The following MIB1 variants were observed in gnomAD, a reference collection of about 807,000 sequenced individuals.
MIB1 encodes E3 ubiquitin-protein ligase MIB1.
In MIB1, 278 loss-of-function variants were observed where a neutral mutation model predicts 124.5. That is an observed-to-expected ratio of 2.23 (90% CI 2.02 to 2.47). The LOEUF is 2.47. MIB1 is among the 30% of genes most tolerant of loss of function. The probability of loss-of-function intolerance (pLI) is 0.00; values close to 1 mark genes in which losing one functional copy is unlikely to be tolerated. For synonymous variants in MIB1, 446 were observed against 429.4 expected (o/e 1.04, Z -0.48); for missense variants, 957 against 1,254.4 (o/e 0.76, Z 3.58).
chr18:21,748,586 T>G (rs968200371), intron 1 of MIB1, among the ~76,000 whole-genome samples: 2 of 151,234 alleles, frequency 1.3e-5, no homozygotes, highest in African/African-American at 2.4e-5. Context: ...CGCACCACCA[T>G]GCACAGCTAA....
intron 13 of MIB1, among the ~76,000 whole-genome samples, chr18:21,839,597 C>G (rs1299130502): frequency 6.6e-6 from 1 of 152,168 alleles, no homozygotes; most frequent in Non-Finnish European, 1.5e-5. Flanking sequence ...CTTGACCTCC[C>G]AGGCTCAAGC....
intron 1 of MIB1, among the ~76,000 whole-genome samples, chr18:21,764,285 T>C (rs1213796903): frequency 6.6e-6 from 1 of 152,002 alleles, no homozygotes. Context: ...TCTTCCTTCC[T>C]GATCCTTGCC....
At chr18:21,796,354 G>A (rs752045779) in intron 7 of MIB1, among the ~76,000 whole-genome samples, 1 of 151,888 alleles carries the variant, frequency 6.6e-6, no homozygotes, top group Non-Finnish European at 1.5e-5. Context: ...GAGAACATGT[G>A]GACACAGGGA....
At chr18:21,746,721 G>A (rs965715466) in intron 1 of MIB1, among the ~76,000 whole-genome samples, 5 of 152,100 alleles carry the variant, frequency 3.3e-5, no homozygotes, top group Admixed American at 2.0e-4. Flanking sequence ...GTCATTCTTC[G>A]TGTCGATAAT....
intron 1 of MIB1, among the ~76,000 whole-genome samples, chr18:21,755,823 G>A (rs905982180): frequency 2.0e-5 from 3 of 152,036 alleles, no homozygotes; most frequent in Admixed American, 2.0e-4. Context: ...GTTAGAATTC[G>A]TTTATATTCT....
intron 1 of MIB1, among the ~76,000 whole-genome samples, chr18:21,709,044 C>T (rs534945708): frequency 1.3e-4 from 20 of 152,084 alleles, no homozygotes; most frequent in East Asian, 7.7e-4. Flanking sequence ...AGGCCGGGCG[C>T]GGTGGCTCAC....
chr18:21,851,897 T>TA (rs1376244477), intron 17 of MIB1, among the ~76,000 whole-genome samples: 1 of 152,104 alleles, frequency 6.6e-6, no homozygotes, highest in Non-Finnish European at 1.5e-5. Flanking sequence ...TAGGTACAGA[T>TA]ATGGTTTTTA....
intron 9 of MIB1, among the ~76,000 whole-genome samples, chr18:21,800,652 C>T (rs2041640759): frequency 6.6e-6 from 1 of 152,082 alleles, no homozygotes; most frequent in Admixed American, 6.6e-5. Flanking sequence ...TTGAATCATT[C>T]TCACTGTGTT....
At chr18:21,830,967 T>G (rs1393787449) in intron 12 of MIB1, among the ~76,000 whole-genome samples, 1 of 152,026 alleles carries the variant, frequency 6.6e-6, no homozygotes, top group Non-Finnish European at 1.5e-5. Context: ...TATAACAGTC[T>G]TGCACAGTTA....
At chr18:21,783,936 T>G (rs1296901152) in intron 6 of MIB1, among the ~76,000 whole-genome samples, 1 of 151,920 alleles carries the variant, frequency 6.6e-6, no homozygotes, top group Non-Finnish European at 1.5e-5. Context: ...AGAGATGGGG[T>G]CTTACGATGT....
intron 17 of MIB1, among the ~76,000 whole-genome samples, chr18:21,852,018 T>C (rs2042184645): frequency 6.6e-6 from 1 of 152,204 alleles, no homozygotes; most frequent in Non-Finnish European, 1.5e-5. Context: ...GAGAAGATAA[T>C]TATTATGTAT....
At chr18:21,833,842 C>T (rs957026447) in intron 12 of MIB1, among the ~76,000 whole-genome samples, 1 of 152,182 alleles carries the variant, frequency 6.6e-6, no homozygotes, top group Non-Finnish European at 1.5e-5. Flanking sequence ...TTCTTTGGCA[C>T]TATTCACAAA....
At chr18:21,764,065 T>G (rs1389448724) in intron 1 of MIB1, among the ~76,000 whole-genome samples, 5 of 152,176 alleles carry the variant, frequency 3.3e-5, no homozygotes, top group Non-Finnish European at 7.4e-5. Flanking sequence ...GAAATAGTTC[T>G]GGATGAATCA....
At position 21,740,967 on chromosome 18, in the gene MIB1, G is replaced by T. The variant is rs916257049; in HGVS notation, c.-617G>T. 2.6e-5 allele frequency among the ~76,000 whole-genome samples: 4 copies of T among 152,208 alleles called. No homozygotes were observed. Among genetic ancestry groups the T allele is most frequent in the Non-Finnish European group, 4.4e-5 (3 of 68,022 alleles). On this transcript the variant is annotated 5_prime_UTR_variant, in exon 1 of 21. Coordinates refer to ENST00000261537, the MANE Select transcript of MIB1 (RefSeq NM_020774.4). ...GGTACCCGGATGTGGAGTCGCTCTC[G>T]CCCGGCTGGGACTCTGTGGCGGGGC...
chr18:21,714,900 G>A (rs1348736313), intron 1 of MIB1, among the ~76,000 whole-genome samples: 1 of 152,200 alleles, frequency 6.6e-6, no homozygotes, highest in African/African-American at 2.4e-5. Context: ...GAATTGCAGA[G>A]CTTTGGCCCT....
chr18:21,745,332 A>G (rs2040899371), intron 1 of MIB1, among the ~76,000 whole-genome samples: 1 of 152,194 alleles, frequency 6.6e-6, no homozygotes, highest in African/African-American at 2.4e-5. Flanking sequence ...TTTTTGTTAT[A>G]GGAATGTCCT....
At chr18:21,795,271 A>AT (rs2041559879) in intron 7 of MIB1, among the ~76,000 whole-genome samples, 1 of 142,852 alleles carries the variant, frequency 7.0e-6, no homozygotes, top group Non-Finnish European at 1.5e-5. Flanking sequence ...GATTTTATAT[A>AT]TATATAAATA....
At chr18:21,849,712 A>G (rs934926842) in intron 17 of MIB1, among the ~76,000 whole-genome samples, 3 of 152,118 alleles carry the variant, frequency 2.0e-5, no homozygotes, top group African/African-American at 7.2e-5. Context: ...AAAATTATCT[A>G]CCATTTTGCT....
intron 7 of MIB1, among the ~76,000 whole-genome samples, chr18:21,792,990 TC>T (rs2041524197): frequency 6.6e-6 from 1 of 152,254 alleles, no homozygotes; most frequent in Admixed American, 6.5e-5. Flanking sequence ...AAACTAGGTT[TC>T]AGAGTAACCT....
Sources: allele counts gnomAD v4.1 joint callset (sites outside exome capture counted in the v4.1 genomes callset), GRCh38; gene constraint gnomAD v4.1.1; transcripts MANE v1.5; gene names NCBI Gene and HGNC (gene_info 2026-07-23, HGNC 2026-07-21).